The following METTL16 variants were observed in gnomAD, a reference collection of about 807,000 sequenced individuals.
METTL16 encodes RNA N(6)-adenosine-methyltransferase METTL16.
In METTL16, 19 loss-of-function variants were observed where a neutral mutation model predicts 57.9. The observed-to-expected ratio is 0.33, with a 90% CI of 0.23 to 0.48. The LOEUF is 0.48. Ranked by LOEUF, METTL16 falls within the 20% of genes least tolerant of loss-of-function variation. The pLI is 0.99. For missense variants in METTL16, 434 were observed against 691.5 expected (o/e 0.63, Z 4.18); for synonymous variants, 246 against 255.6 (o/e 0.96, Z 0.36).
intron 6 of METTL16, among the ~76,000 whole-genome samples, chr17:2,444,046 T>C (rs953781218): frequency 2.6e-5 from 4 of 151,732 alleles, no homozygotes; most frequent in Non-Finnish European, 4.4e-5. Context: ...CACAAAAAAT[T>C]GGGTGAGGCA....
At chr17:2,483,951 T>C (rs746196064) in intron 2 of METTL16, among the ~76,000 whole-genome samples, 4 of 152,200 alleles carry the variant, frequency 2.6e-5, no homozygotes, top group Non-Finnish European at 5.9e-5. Flanking sequence ...AACTCGAGAA[T>C]GGTAGCCTGA....
At position 2,509,183 on chromosome 17, in the gene METTL16, C is replaced by T. The variant is rs1437091177; in HGVS notation, c.-1+2576G>A. On this transcript the variant is annotated intron_variant, in intron 1 of 9. Coordinates refer to ENST00000263092, the MANE Select transcript of METTL16 (RefSeq NM_024086.4). The stretch of plus-strand genomic sequence containing the variant: ...GTCACACATAGACCTGCAACCATAT[C>T]CATCCTAGTCTTTACTATACCCCCA... Among the ~76,000 whole-genome samples, 4 of 152,166 alleles carry T rather than the reference C, an allele frequency of 2.6e-5. No homozygotes were observed. The East Asian group carries it at 7.7e-4, about 29-fold the overall frequency.
At position 2,498,466 on chromosome 17, in the gene METTL16, G is replaced by C. The variant is rs564119934; in HGVS notation, c.128+3738C>G. On this transcript the variant is annotated intron_variant, in intron 2 of 9. Coordinates refer to ENST00000263092, the MANE Select transcript of METTL16 (RefSeq NM_024086.4). ...AAAATCCTAACCATCAGCTGGGCGC[G>C]GTGGCTCACGCCTGTAATCCCAGTA... is the stretch of plus-strand genomic sequence containing the variant. Among the ~76,000 whole-genome samples the C allele has an allele frequency of 7.3e-5, 11 of 151,348 alleles. 1 individual carries two copies. Among genetic ancestry groups the C allele is most frequent in the African/African-American group, 2.5e-4 (10 of 40,774 alleles).
chr17:2,497,449 A>G (rs1029730900), intron 2 of METTL16, among the ~76,000 whole-genome samples: 4 of 150,256 alleles, frequency 2.7e-5, no homozygotes, highest in Non-Finnish European at 5.9e-5. Flanking sequence ...AGTAGCTGAG[A>G]TTACAGGCAT....
At chr17:2,447,659 T>A (rs1597448163) in intron 6 of METTL16, among the ~76,000 whole-genome samples, 1 of 105,442 alleles carries the variant, frequency 9.5e-6, no homozygotes, top group South Asian at 3.3e-4. Flanking sequence ...TACTGGGAAG[T>A]GAGGAGCCCC....
At chr17:2,454,029 A>G (rs1793599636) in intron 6 of METTL16, among the ~76,000 whole-genome samples, 1 of 152,088 alleles carries the variant, frequency 6.6e-6, no homozygotes, top group Non-Finnish European at 1.5e-5. Context: ...GTTATAAGTC[A>G]TTATTGTCAT....
intron 8 of METTL16, among the ~76,000 whole-genome samples, chr17:2,430,779 A>G (rs192291034): frequency 6.6e-6 from 1 of 152,116 alleles, no homozygotes; most frequent in East Asian, 1.9e-4. Context: ...CACATCTGTT[A>G]TAAACGTTAA....
At chr17:2,489,329 A>C (rs970843167) in intron 2 of METTL16, among the ~76,000 whole-genome samples, 6 of 151,622 alleles carry the variant, frequency 4.0e-5, no homozygotes, top group African/African-American at 1.5e-4. Flanking sequence ...TCATCCAAAC[A>C]CCTCTTTGCC....
intron 2 of METTL16, among the ~76,000 whole-genome samples, chr17:2,486,373 G>A (rs2067341316): frequency 1.3e-5 from 2 of 151,770 alleles, no homozygotes; most frequent in African/African-American, 4.8e-5. Flanking sequence ...CCGGGTTCAA[G>A]CAATTCTCCT....
intron 8 of METTL16, among the ~76,000 whole-genome samples, chr17:2,429,516 A>C (rs182842352): frequency 1.7e-3 from 256 of 150,918 alleles, no homozygotes; most frequent in Middle Eastern, 6.8e-3. Context: ...CGGCTTTACT[A>C]GATGAACTGT....
intron 6 of METTL16, among the ~76,000 whole-genome samples, chr17:2,457,337 C>CAAAA (rs57968051): frequency 4.7e-5 from 2 of 42,610 alleles, no homozygotes; most frequent in Non-Finnish European, 9.9e-5. Flanking sequence ...GACTCCGTCT[C>CAAAA]AAAAAAAAAA....
intron 6 of METTL16, among the ~76,000 whole-genome samples, chr17:2,448,804 A>T (rs866025110): frequency 0.061 from 5,266 of 86,216 alleles, 233 homozygotes; most frequent in Non-Finnish European, 0.081. Flanking sequence ...ATAAAATTTA[A>T]AAAAAAAAAA....
At chr17:2,447,865 T>C (rs9748075) in intron 6 of METTL16, among the ~76,000 whole-genome samples, 1,553 of 31,814 alleles carry the variant, frequency 0.049, 36 homozygotes, top group African/African-American at 0.15. Flanking sequence ...GGGTCAGCCC[T>C]CCACCTGGCC....
intron 2 of METTL16, among the ~76,000 whole-genome samples, chr17:2,500,049 G>A (rs2067476020): frequency 6.6e-6 from 1 of 152,104 alleles, no homozygotes; most frequent in Non-Finnish European, 1.5e-5. Flanking sequence ...GGTGTGGGTG[G>A]AGAGTTTCAC....
intron 6 of METTL16, among the ~76,000 whole-genome samples, chr17:2,443,137 C>A (rs1021013080): frequency 1.3e-5 from 2 of 151,880 alleles, no homozygotes; most frequent in Non-Finnish European, 2.9e-5. Flanking sequence ...TACAAGCGTG[C>A]GCCACCACAC....
chr17:2,473,438 A>G, intron 4 of METTL16, 86 bp downstream of exon 4: 1 of 1,436,832 alleles, frequency 7.0e-7, no homozygotes, highest in Non-Finnish European at 9.3e-7. Flanking sequence ...AAGTCTGTGT[A>G]TTAAAGAAAA....
intron 3 of METTL16, 113 bp downstream of exon 3, chr17:2,477,573 T>C: frequency 3.9e-6 from 3 of 779,136 alleles, no homozygotes; most frequent in Non-Finnish European, 6.4e-6. Context: ...CCTGTATCTG[T>C]AGCCAGCTTC....
chr17:2,507,433 T>C (rs1401792528), intron 1 of METTL16, among the ~76,000 whole-genome samples: 2 of 147,778 alleles, frequency 1.4e-5, no homozygotes, highest in African/African-American at 2.5e-5. Context: ...GGGGTGCCTC[T>C]GCCCGGCCGC....
chr17:2,481,861 G>GA (rs57386156), intron 2 of METTL16, among the ~76,000 whole-genome samples: 148,139 of 151,472 alleles, frequency 0.98, 72,458 homozygotes, highest in East Asian at 1. Flanking sequence ...AGGCTTACAA[G>GA]AAAAAAAAAT....
Sources: allele counts gnomAD v4.1 joint callset (sites outside exome capture counted in the v4.1 genomes callset), GRCh38; gene constraint gnomAD v4.1.1; transcripts MANE v1.5; gene names NCBI Gene and HGNC (gene_info 2026-07-23, HGNC 2026-07-21).